CACNB2: variants seen among roughly 807,000 people sequenced by gnomAD.
CACNB2 encodes the protein calcium voltage-gated channel auxiliary subunit beta 2, also known as voltage-dependent L-type calcium channel subunit beta-2.
Under a neutral mutation model 73.3 loss-of-function variants are expected in CACNB2, and 42 were observed. That is an observed-to-expected ratio of 0.57 (90% confidence interval 0.45 to 0.74). The LOEUF is 0.74. CACNB2 is among the 30% of genes least tolerant of loss of function. The pLI, the probability that CACNB2 is intolerant of heterozygous loss-of-function variation, is 0.00. For missense variants in CACNB2, 940 were observed against 853.0 expected (o/e 1.10, Z -1.27); for synonymous variants, 348 against 310.3 (o/e 1.12, Z -1.28).
rs906427302 is a variant in CACNB2, at chr10:18,306,589, T to G, written c.214-95335T>G. The stretch of plus-strand genomic sequence containing the variant: ...AATAATCATAAGCATTACGGTGGGG[T>G]CAGGGTGAAACTGGATAAAGTGTTA... On this transcript the variant is annotated intron_variant, in intron 2 of 13. Transcript: ENST00000324631. 5.3e-5 allele frequency among the ~76,000 whole-genome samples: 8 copies of G among 151,968 alleles called. No individual in the cohort carries two copies. The East Asian group carries it at 5.8e-4, about 11-fold the overall frequency.
At chr10:18,417,520 C>A (rs981729980) in intron 3 of CACNB2, among the ~76,000 whole-genome samples, 2 of 151,868 alleles carry the variant, frequency 1.3e-5, no homozygotes, top group Admixed American at 6.6e-5. Context: ...GGGCACACAC[C>A]ACCACACCCG....
intron 9 of CACNB2, among the ~76,000 whole-genome samples, chr10:18,522,815 T>C (rs1313996443): frequency 7.2e-6 from 1 of 138,720 alleles, no homozygotes; most frequent in African/African-American, 2.7e-5. Flanking sequence ...GAGGCAGACG[T>C]TGCAGTGAGC....
chr10:18,466,258 G>A (rs1018189722), intron 3 of CACNB2, among the ~76,000 whole-genome samples: 1 of 151,982 alleles, frequency 6.6e-6, no homozygotes, highest in African/African-American at 2.4e-5. Context: ...ATTTTTTAGA[G>A]ACAGTGTCGC....
Position 18,538,370 on chromosome 10 carries a change from G to A in CACNB2, c.1488+5G>A. The A allele has an allele frequency of 6.2e-7, 1 of 1,606,274 alleles. No homozygotes were observed. The highest frequency in any genetic ancestry group is 8.5e-7 in the Non-Finnish European group (1 of 1,172,576). On this transcript the variant is annotated splice_donor_5th_base_variant and intron_variant, in intron 13 of 13. Coordinates refer to ENST00000324631, the MANE Select transcript of CACNB2 (RefSeq NM_201596.3). ...ACCCTAGCCTCTAATTCACAGGTAA[G>A]GGGAGTTTTTATATATATCTATATA...
chr10:18,403,683 G>C (rs1267470588), intron 3 of CACNB2, among the ~76,000 whole-genome samples: 2 of 152,130 alleles, frequency 1.3e-5, no homozygotes, highest in Non-Finnish European at 2.9e-5. Flanking sequence ...TCGAAATGTT[G>C]CTCCTAAATC....
chr10:18,370,312 G>A (rs1218445743), intron 2 of CACNB2, among the ~76,000 whole-genome samples: 1 of 147,320 alleles, frequency 6.8e-6, no homozygotes, highest in Non-Finnish European at 1.5e-5. Flanking sequence ...TTGTTTTTTT[G>A]AGGTAGAGTC....
intron 2 of CACNB2, among the ~76,000 whole-genome samples, chr10:18,154,131 T>C (rs1437898453): frequency 1.3e-5 from 2 of 152,028 alleles, no homozygotes; most frequent in African/African-American, 4.8e-5. Context: ...AACCTTAGAA[T>C]TTTATTGTTA....
chr10:18,327,009 G>T (rs529710146), intron 2 of CACNB2, among the ~76,000 whole-genome samples: 29 of 152,098 alleles, frequency 1.9e-4, no homozygotes, highest in African/African-American at 6.5e-4. Flanking sequence ...GATTACAGGC[G>T]TGAGTCACTG....
chr10:18,317,924 C>T (rs1400321358), intron 2 of CACNB2, among the ~76,000 whole-genome samples: 1 of 152,044 alleles, frequency 6.6e-6, no homozygotes, highest in Non-Finnish European at 1.5e-5. Context: ...TACAAGGGAC[C>T]TGAAGTACCT....
At chr10:18,376,498 C>T (rs542390484) in intron 2 of CACNB2, among the ~76,000 whole-genome samples, 2 of 152,210 alleles carry the variant, frequency 1.3e-5, no homozygotes, top group African/African-American at 2.4e-5. Context: ...AGGAAAGAAA[C>T]ACAAAATGTG....
chr10:18,250,107 C>T (rs571115843), intron 2 of CACNB2, among the ~76,000 whole-genome samples: 9 of 152,288 alleles, frequency 5.9e-5, no homozygotes, highest in East Asian at 1.9e-4. Flanking sequence ...TGTCCTCGCA[C>T]GAACACTTTA....
chr10:18,323,914 G>C (rs2040485471), intron 2 of CACNB2, among the ~76,000 whole-genome samples: 1 of 152,126 alleles, frequency 6.6e-6, no homozygotes, highest in East Asian at 1.9e-4. Context: ...CATAAATTCA[G>C]TCATCTCCAT....
chr10:18,330,819 C>T (rs2040769702), intron 2 of CACNB2, among the ~76,000 whole-genome samples: 1 of 151,700 alleles, frequency 6.6e-6, no homozygotes. Context: ...CAGGCCCCCG[C>T]CACCACGCCT....
Position 18,493,446 on chromosome 10 carries a change from G to A in CACNB2, c.334-4909G>A, listed in dbSNP as rs117087373. 0.014 allele frequency among the ~76,000 whole-genome samples: 2,165 copies of A among 152,196 alleles called. 100 individuals carry two copies. The South Asian group carries it at 0.14, about 10-fold the overall frequency. Reference sequence around the variant, plus strand: ...CTCCCAAAGTGCTGGCATTACAGGCGTAAACCACTGCACCCATCCAAGTAC... The same window carrying A: ...CTCCCAAAGTGCTGGCATTACAGGCATAAACCACTGCACCCATCCAAGTAC... On this transcript the variant is annotated intron_variant, in intron 3 of 13. Transcript: ENST00000324631.
chr10:18,502,712 A>C (rs12781068), intron 5 of CACNB2, among the ~76,000 whole-genome samples: 2,208 of 57,910 alleles, frequency 0.038, 113 homozygotes, highest in African/African-American at 0.14. Flanking sequence ...AAAAAAAAAA[A>C]AAAAAAAAAA....
intron 2 of CACNB2, among the ~76,000 whole-genome samples, chr10:18,247,984 C>T (rs1349523788): frequency 6.6e-6 from 1 of 152,174 alleles, no homozygotes. Flanking sequence ...TCTGGGACCT[C>T]TTTGATAATG....
chr10:18,441,542 T>C (rs1450503640), intron 3 of CACNB2, among the ~76,000 whole-genome samples: 2 of 152,232 alleles, frequency 1.3e-5, no homozygotes, highest in Non-Finnish European at 2.9e-5. Flanking sequence ...CTTTTTTCTT[T>C]TTTTTGCTGG....
intron 2 of CACNB2, among the ~76,000 whole-genome samples, chr10:18,169,253 T>A (rs2033072676): frequency 1.3e-5 from 2 of 152,292 alleles, no homozygotes; most frequent in Admixed American, 6.5e-5. Context: ...TAGCTGTGGT[T>A]TGGTAGGGCT....
At chr10:18,487,675 A>G (rs1014966702) in intron 3 of CACNB2, among the ~76,000 whole-genome samples, 2 of 152,096 alleles carry the variant, frequency 1.3e-5, no homozygotes, top group African/African-American at 4.8e-5. Flanking sequence ...TCTCTGCTAA[A>G]AATACAAAAA....
Sources: allele counts gnomAD v4.1 joint callset (sites outside exome capture counted in the v4.1 genomes callset), GRCh38; gene constraint gnomAD v4.1.1; transcripts MANE v1.5; gene names NCBI Gene and HGNC (gene_info 2026-07-23, HGNC 2026-07-21).